The following COX7B2 variants were observed in gnomAD, a reference collection of about 807,000 sequenced individuals.
COX7B2 encodes the protein cytochrome c oxidase subunit 7B2, mitochondrial.
For missense variants in COX7B2, 109 were observed against 95.9 expected (o/e 1.14, Z -0.57); for synonymous variants, 37 against 32.1 (o/e 1.15, Z -0.51).
intron 2 of COX7B2, among the ~76,000 whole-genome samples, chr4:46,837,900 T>C (rs1223811834): frequency 6.6e-6 from 1 of 151,982 alleles, no homozygotes; most frequent in East Asian, 1.9e-4. Context: ...TGAAGAAAGA[T>C]ACAAAAGGTC....
intron 2 of COX7B2, among the ~76,000 whole-genome samples, chr4:46,815,102 C>T (rs1042923143): frequency 1.4e-4 from 21 of 151,484 alleles, no homozygotes; most frequent in Non-Finnish European, 2.1e-4. Context: ...AGGAGAATTG[C>T]TTGAGCCCGG....
chr4:46,863,846 C>T lies in COX7B2; in HGVS notation c.-104-18832G>A. On this transcript the variant is annotated intron_variant, in intron 1 of 2. Coordinates refer to ENST00000355591, the MANE Select transcript of COX7B2 (RefSeq NM_130902.3). ...GCTGTTCTTGAAACTTTATATTTGA[C>T]CTTTGTTTTTTAATTCTTAGATTGC... 3.3e-5 allele frequency among the ~76,000 whole-genome samples: 5 copies of T among 151,910 alleles called. 1 individual carries two copies. The highest frequency in any genetic ancestry group is 3.3e-4 in the Admixed American group (5 of 15,280).
chr4:46,849,387 T>A (rs1716514770), intron 1 of COX7B2, among the ~76,000 whole-genome samples: 1 of 152,100 alleles, frequency 6.6e-6, no homozygotes, highest in Admixed American at 6.6e-5. Context: ...TTTAACTTAT[T>A]TTATTACTAA....
At chr4:46,813,555 T>C (rs951906459) in intron 2 of COX7B2, among the ~76,000 whole-genome samples, 77 of 152,002 alleles carry the variant, frequency 5.1e-4, no homozygotes, top group African/African-American at 1.8e-3. Context: ...GGGCCTGTCG[T>C]GGGGTGGAGG....
At chr4:46,759,079 T>A (rs1715971595) in intron 2 of COX7B2, among the ~76,000 whole-genome samples, 2 of 152,078 alleles carry the variant, frequency 1.3e-5, no homozygotes, top group South Asian at 2.1e-4. Context: ...GAGAATATAG[T>A]TTGCAGAGAT....
chr4:46,888,143 A>G (rs763040668), intron 1 of COX7B2, among the ~76,000 whole-genome samples: 1 of 152,176 alleles, frequency 6.6e-6, no homozygotes, highest in Non-Finnish European at 1.5e-5. Context: ...GGAGAAGCAA[A>G]GCGGTGTCGC....
At chr4:46,746,986 A>G (rs1199136949) in intron 2 of COX7B2, among the ~76,000 whole-genome samples, 2 of 152,202 alleles carry the variant, frequency 1.3e-5, no homozygotes, top group African/African-American at 2.4e-5. Context: ...ATGTGCAAAA[A>G]GTAATAAAAA....
intron 1 of COX7B2, among the ~76,000 whole-genome samples, chr4:46,863,894 A>G (rs1407083343): frequency 1.3e-5 from 2 of 152,176 alleles, no homozygotes. Flanking sequence ...TTAAGGGCTA[A>G]TGAGTGTTGA....
intron 2 of COX7B2, among the ~76,000 whole-genome samples, chr4:46,797,600 G>A (rs887198593): frequency 1.3e-5 from 2 of 152,110 alleles, no homozygotes; most frequent in African/African-American, 4.8e-5. Flanking sequence ...TAAACCAAAA[G>A]CGACACCACT....
At chr4:46,824,244 G>C (rs1259262736) in intron 2 of COX7B2, among the ~76,000 whole-genome samples, 1 of 152,080 alleles carries the variant, frequency 6.6e-6, no homozygotes, top group Non-Finnish European at 1.5e-5. Context: ...GCTGTACAAA[G>C]AAAAGTTGAT....
At chr4:46,903,956 T>C (rs571039414) in intron 1 of COX7B2, 1 of 152,304 alleles carries the variant, frequency 6.6e-6, no homozygotes, top group Non-Finnish European at 1.5e-5. Context: ...TCAGATATTA[T>C]ATCACATCAA....
intron 2 of COX7B2, among the ~76,000 whole-genome samples, chr4:46,791,298 C>T (rs985252507): frequency 2.0e-5 from 3 of 151,934 alleles, no homozygotes; most frequent in African/African-American, 7.3e-5. Context: ...CGTGAGCCAC[C>T]GTGCCCAGCA....
chr4:46,835,870 A>C (rs902643318), intron 2 of COX7B2, among the ~76,000 whole-genome samples: 3 of 152,202 alleles, frequency 2.0e-5, no homozygotes, highest in Middle Eastern at 3.2e-3. Flanking sequence ...GATACACGCT[A>C]CTGCTCGTCT....
chr4:46,750,764 A>G (rs1262981866), intron 2 of COX7B2, among the ~76,000 whole-genome samples: 1 of 152,200 alleles, frequency 6.6e-6, no homozygotes, highest in Non-Finnish European at 1.5e-5. Context: ...GTTTCTAGTG[A>G]GGGCTCTTTT....
At chr4:46,899,729 G>A (rs1181365869) in intron 1 of COX7B2, among the ~76,000 whole-genome samples, 1 of 152,060 alleles carries the variant, frequency 6.6e-6, no homozygotes, top group Non-Finnish European at 1.5e-5. Context: ...AAATGTAAAA[G>A]TATTTTCCAT....
intron 2 of COX7B2, among the ~76,000 whole-genome samples, chr4:46,743,701 CAG>C (rs769573405): frequency 3.3e-5 from 5 of 152,188 alleles, no homozygotes; most frequent in African/African-American, 4.8e-5. Flanking sequence ...TTGTGCTAAA[CAG>C]TGATTCTTTG....
chr4:46,820,590 G>A (rs1714201403), intron 2 of COX7B2, among the ~76,000 whole-genome samples: 1 of 152,108 alleles, frequency 6.6e-6, no homozygotes, highest in South Asian at 2.1e-4. Context: ...CGCTTTGGGA[G>A]GCCAAGGTGG....
chr4:46,798,172 T>A (rs1718460841), intron 2 of COX7B2, among the ~76,000 whole-genome samples: 1 of 152,166 alleles, frequency 6.6e-6, no homozygotes, highest in South Asian at 2.1e-4. Context: ...GCCTTCTACC[T>A]CAGTGAAATT....
intron 1 of COX7B2, among the ~76,000 whole-genome samples, chr4:46,853,107 T>C (rs1385028718): frequency 6.6e-6 from 1 of 152,134 alleles, no homozygotes; most frequent in Non-Finnish European, 1.5e-5. Context: ...ATTGATTGAT[T>C]GATTGATGAA....
Sources: gnomAD v4.1 joint callset for allele counts (sites outside exome capture counted in the v4.1 genomes callset) on GRCh38, gnomAD v4.1.1 for gene constraint, MANE v1.5 for transcripts, NCBI Gene and HGNC (gene_info 2026-07-23, HGNC 2026-07-21) for gene names.